SLC1A7: variants seen among roughly 807,000 people sequenced by gnomAD.
The protein encoded by SLC1A7 is excitatory amino acid transporter 5.
In SLC1A7, 40 loss-of-function variants were observed where a neutral mutation model predicts 47.7. The ratio of observed to expected loss-of-function variants is 0.84; its 90% CI spans 0.65 to 1.09. The LOEUF is 1.09. Ranked by LOEUF, SLC1A7 falls within the 50% of genes least tolerant of loss-of-function variation. SLC1A7 has a pLI of 0.00. For missense variants in SLC1A7, 746 were observed against 769.5 expected (o/e 0.97, Z 0.36); for synonymous variants, 323 against 325.6 (o/e 0.99, Z 0.09).
intron 3 of SLC1A7, among the ~76,000 whole-genome samples, chr1:53,110,771 C>T (rs998001264): frequency 2.6e-4 from 40 of 152,106 alleles, no homozygotes; most frequent in South Asian, 2.1e-4. Flanking sequence ...TCCTAGTTCT[C>T]CTCCTGCCTC....
At chr1:53,092,092 C>T (rs1359125351) in intron 7 of SLC1A7, among the ~76,000 whole-genome samples, 2 of 152,228 alleles carry the variant, frequency 1.3e-5, no homozygotes, top group African/African-American at 4.8e-5. Flanking sequence ...GAGTGAGTGA[C>T]AGAGCCATGG....
chr1:53,107,501 T>C (rs1045167467), intron 3 of SLC1A7, among the ~76,000 whole-genome samples: 1 of 152,218 alleles, frequency 6.6e-6, no homozygotes, highest in Admixed American at 6.5e-5. Context: ...GTGAAGGGTG[T>C]GTGGGATCTC....
chr1:53,116,694 G>T (rs1288382), intron 2 of SLC1A7, among the ~76,000 whole-genome samples: 8 of 152,110 alleles, frequency 5.3e-5, no homozygotes, highest in African/African-American at 1.2e-4. Context: ...AGAACCCCCC[G>T]CAGTGGGGTC....
intron 6 of SLC1A7, 104 bp from the exon 7 acceptor site, chr1:53,092,891 C>T (rs1644441441): frequency 1.5e-6 from 1 of 689,108 alleles, no homozygotes; most frequent in Non-Finnish European, 2.5e-6. Context: ...TCCTGGGGCT[C>T]CTGCGAGGAC....
intron 2 of SLC1A7, among the ~76,000 whole-genome samples, chr1:53,123,829 A>G (rs1335820552): frequency 6.6e-6 from 1 of 152,238 alleles, no homozygotes; most frequent in East Asian, 1.9e-4. Flanking sequence ...GAGTAAGGCA[A>G]ATCATCTGAC....
chr1:53,132,342 C>T (rs949537279), intron 2 of SLC1A7, among the ~76,000 whole-genome samples: 5 of 151,800 alleles, frequency 3.3e-5, no homozygotes, highest in South Asian at 4.2e-4. Flanking sequence ...AGAGAGTGCC[C>T]GGGCCTGTAG....
chr1:53,097,151 C>T lies in SLC1A7; in HGVS notation c.698-3591G>A, dbSNP rs147034258. 3.3e-3 allele frequency among the ~76,000 whole-genome samples: 495 copies of T among 149,946 alleles called. 5 individuals carry two copies. Among genetic ancestry groups the T allele is most frequent in the African/African-American group, 0.012 (474 of 40,604 alleles). On this transcript the variant is annotated intron_variant, in intron 5 of 10. Transcript: ENST00000371494. ...CACCTACACGCCCCGCCTTGGTAGA[C>T]TCACATGCCCCACCTCAGTACACTC...
At chr1:53,121,818 G>A (rs1056218740) in intron 2 of SLC1A7, among the ~76,000 whole-genome samples, 5 of 152,220 alleles carry the variant, frequency 3.3e-5, no homozygotes, top group Non-Finnish European at 4.4e-5. Context: ...CAGCTGGTGA[G>A]TCACCTGGGA....
At chr1:53,124,888 A>C (rs1644865264) in intron 2 of SLC1A7, among the ~76,000 whole-genome samples, 1 of 152,226 alleles carries the variant, frequency 6.6e-6, no homozygotes, top group African/African-American at 2.4e-5. Flanking sequence ...ACCAAGGTGA[A>C]GGTGCAGCGT....
rs1553164857 is a variant in SLC1A7, at chr1:53,129,503, TGGA to T, written c.215+4844_215+4846del. On this transcript the variant is annotated intron_variant, in intron 2 of 10. Transcript: ENST00000371494. ...TGGTCAAGCGTGGGCTGCACTCAGT[TGGA>T]CTGAAGCACACATGTCTGAGGAGGG... 8.8e-3 allele frequency among the ~76,000 whole-genome samples: 978 copies of T among 111,182 alleles called. 1 individual carries two copies. The highest frequency in any genetic ancestry group is 0.013 in the East Asian group (52 of 3,856). The allele number at this position is 111,182 out of a possible 152,430, so 72.9% of individuals were successfully genotyped here.
intron 2 of SLC1A7, among the ~76,000 whole-genome samples, chr1:53,129,420 A>G (rs1644916002): frequency 1.3e-5 from 2 of 151,996 alleles, no homozygotes; most frequent in African/African-American, 2.4e-5. Flanking sequence ...GCAGATTTCA[A>G]CCACCCCCGC....
chr1:53,094,730 G>A (rs1348898210), intron 5 of SLC1A7, among the ~76,000 whole-genome samples: 2 of 152,184 alleles, frequency 1.3e-5, no homozygotes, highest in Admixed American at 6.5e-5. Flanking sequence ...TGCCGGCTCC[G>A]CCCTCCCCGG....
rs1427889623 is a variant in SLC1A7 at position 53,088,868 on chromosome 1, T to G, written c.1464+9A>C. 6 of 1,611,556 alleles carry G rather than the reference T, an allele frequency of 3.7e-6. No homozygotes were observed. Among genetic ancestry groups the G allele is most frequent in the Admixed American group, 1.7e-5 (1 of 60,002 alleles). ...CCTCCTGGCAGCCTCTGGATCTCAC[T>G]GCTCTCACCTCGGTGCCTGTGTCCC... On this transcript the variant is annotated intron_variant, in intron 10 of 10. Transcript: ENST00000371494.
Position 53,115,375 on chromosome 1 carries a change from A to G in SLC1A7, c.216-402T>C. Reference sequence around the variant, plus strand: ...TCTCCTGACCCCTGCCCAGCCAGGCAGGACCAAGCTTGGTCTACCTCTGAG... The same window carrying G: ...TCTCCTGACCCCTGCCCAGCCAGGCGGGACCAAGCTTGGTCTACCTCTGAG... On this transcript the variant is annotated intron_variant, in intron 2 of 10. Transcript: ENST00000371494. 1.2e-4 allele frequency: 27 copies of G among 219,604 alleles called. No homozygotes were observed. In the East Asian group the frequency reaches 2.1e-3, roughly 17 times the overall value. The allele number at this position is 219,604 out of a possible 1,614,324, so 13.6% of individuals were successfully genotyped here. A position where few individuals can be genotyped will look rare whatever the true frequency, so the allele number is the denominator to read the frequency against.
intron 3 of SLC1A7, among the ~76,000 whole-genome samples, chr1:53,107,675 C>A (rs1022256659): frequency 5.3e-5 from 8 of 152,192 alleles, no homozygotes; most frequent in Admixed American, 5.2e-4. Context: ...CTACTAAGAG[C>A]TTTTACAAAT....
At chr1:53,116,426 T>A (rs955150997) in intron 2 of SLC1A7, among the ~76,000 whole-genome samples, 4 of 152,132 alleles carry the variant, frequency 2.6e-5, no homozygotes, top group Non-Finnish European at 5.9e-5. Flanking sequence ...GGTCCGCAGT[T>A]TGGTAGCAGA....
chr1:53,141,558 C>T (rs1465938804), intron 1 of SLC1A7, among the ~76,000 whole-genome samples: 14 of 152,054 alleles, frequency 9.2e-5, no homozygotes, highest in Non-Finnish European at 1.5e-4. Context: ...TCCCAGGAAA[C>T]GCAGCTTCTT....
chr1:53,134,318 T>C, intron 2 of SLC1A7, 32 bp downstream of exon 2: 1 of 1,555,902 alleles, frequency 6.4e-7, no homozygotes, highest in Non-Finnish European at 8.8e-7. Context: ...CCCTCCTGGT[T>C]CCGGACCACC....
chr1:53,088,105 G>A lies in SLC1A7; in HGVS notation c.1587C>T (p.His529=), dbSNP rs1184211464. 1 of 1,612,356 alleles carries A rather than the reference G, an allele frequency of 6.2e-7. No individual in the cohort carries two copies. Among genetic ancestry groups the A allele is most frequent in the Admixed American group, 1.7e-5 (1 of 59,930 alleles). The part of the protein sequence containing the change: ...SELTLGPTCP[H]HVPVQVEQDE... ...CCTGCTCCACTTGAACGGGGACGTG[G>A]TGGGGGCAGGTGGGGCCCAGGGTGA... is the stretch of plus-strand genomic sequence containing the variant. Residue 529 remains histidine (H), a synonymous_variant, in exon 11 of 11, where the codon CAC becomes CAT. Transcript: ENST00000371494.
Sources: allele counts gnomAD v4.1 joint callset (sites outside exome capture counted in the v4.1 genomes callset), GRCh38; gene constraint gnomAD v4.1.1; transcripts MANE v1.5; gene names NCBI Gene and HGNC (gene_info 2026-07-23, HGNC 2026-07-21).